The following FBXO27 variants were observed in gnomAD, a reference collection of about 807,000 sequenced individuals.
FBXO27 encodes F-box protein 27, also known as F-box only protein 27.
Under a neutral mutation model 28.3 loss-of-function variants are expected in FBXO27, and 28 were observed. The observed-to-expected ratio is 0.99, with a 90% CI of 0.73 to 1.36. FBXO27 has a LOEUF of 1.36. Ranked by LOEUF, FBXO27 falls within the 40% of genes most tolerant of loss-of-function variation. The probability of loss-of-function intolerance (pLI) is 0.00; values close to 1 mark genes in which losing one functional copy is unlikely to be tolerated. For missense variants in FBXO27, 388 were observed against 394.1 expected, an observed-to-expected ratio of 0.98 and a Z score of 0.13; for synonymous variants, 175 against 167.3, an observed-to-expected ratio of 1.05 and a Z score of -0.36.
chr19:39,023,204 G>A (rs775990183), downstream of FBXO27, among the ~76,000 whole-genome samples: 3 of 152,206 alleles, frequency 2.0e-5, no homozygotes, highest in Non-Finnish European at 2.9e-5. Context: ...CCAGAGTACT[G>A]GGATTACAGG....
chr19:39,019,027 C>A (rs1052455689), downstream of FBXO27, among the ~76,000 whole-genome samples: 1 of 149,194 alleles, frequency 6.7e-6, no homozygotes, highest in African/African-American at 2.5e-5. Context: ...CCAGATCATG[C>A]CACTGCACTC....
chr19:39,019,035 C>A (rs1243897463), downstream of FBXO27, among the ~76,000 whole-genome samples: 1 of 147,666 alleles, frequency 6.8e-6, no homozygotes, highest in African/African-American at 2.5e-5. Flanking sequence ...TGCCACTGCA[C>A]TCTAGCCTGG....
At position 39,012,476 on chromosome 19, in the gene FBXO27, G is replaced by A. The variant is rs143098875; in HGVS notation, c.252+1911C>T. Among the ~76,000 whole-genome samples the A allele has an allele frequency of 1.4e-3, 207 of 152,178 alleles. 1 individual carries two copies. Among genetic ancestry groups the A allele is most frequent in the East Asian group, 3.1e-3 (16 of 5,166 alleles). ...TGGGATTACAGGCGTGAGCCACCAC[G>A]CCCAGCGTCATTTTCAAATTCTCAT... On this transcript the variant is annotated intron_variant, in intron 2 of 2. Transcript: ENST00000598394.
chr19:39,027,750 G>A (rs1280525668), intron 4 of FBXO27, among the ~76,000 whole-genome samples: 1 of 151,944 alleles, frequency 6.6e-6, no homozygotes, highest in Non-Finnish European at 1.5e-5. Flanking sequence ...CTGGACTCAG[G>A]CGATCTTCCT....
At chr19:39,019,457 A>C (rs1231081495), downstream of FBXO27, among the ~76,000 whole-genome samples, 1 of 130,072 alleles carries the variant, frequency 7.7e-6, no homozygotes, top group East Asian at 2.3e-4. Flanking sequence ...AAAAAAAAAA[A>C]AAAAAAAAAA....
chr19:39,032,193 C>G lies in FBXO27; in HGVS notation c.35G>C (p.Arg12Pro), dbSNP rs767374933. 4 of 1,482,946 alleles carry G rather than the reference C, an allele frequency of 2.7e-6. No homozygotes were observed. The highest frequency in any genetic ancestry group is 1.3e-5 in the South Asian group (1 of 75,674). 91.9% of individuals were successfully genotyped at this position (1,482,946 alleles called of 1,614,324 possible). A position where few individuals can be genotyped will look rare whatever the true frequency, so the allele number is the denominator to read the frequency against. Residue 12 changes from arginine (R) to proline (P), a missense_variant, in exon 2 of 6, where the codon CGG becomes CCG. Coordinates refer to ENST00000292853, the MANE Select transcript of FBXO27 (RefSeq NM_178820.5). The surrounding 1 kb of genome is among the most constrained non-coding windows in gnomAD (Gnocchi z 4.7). ...GASVSRGRAA[R>P]VPAPEPEPEE... ...GGGTTCCGGCTCCGGCGCGGGGACC[C>G]GGGCGGCCCGGCCCCTGGAGACCGA...
At chr19:39,008,851 C>T (rs571876292) in intron 2 of FBXO27, among the ~76,000 whole-genome samples, 6 of 152,306 alleles carry the variant, frequency 3.9e-5, no homozygotes, top group Non-Finnish European at 7.3e-5. Flanking sequence ...GACAGAGTCT[C>T]GCTCCATCGC....
At chr19:39,014,204 G>A (rs1166263496) in intron 2 of FBXO27, among the ~76,000 whole-genome samples, 1 of 152,202 alleles carries the variant, frequency 6.6e-6, no homozygotes, top group African/African-American at 2.4e-5. Context: ...GACTGAAACA[G>A]CACAGAGCAG....
chr19:39,030,903 T>G, intron 4 of FBXO27, 126 bp downstream of exon 4: 1 of 806,448 alleles, frequency 1.2e-6, no homozygotes, highest in Non-Finnish European at 2.1e-6. Context: ...CCACCATGGC[T>G]GGCCTGAACT....
intron 2 of FBXO27, among the ~76,000 whole-genome samples, chr19:39,013,719 A>C (rs2072806610): frequency 6.6e-6 from 1 of 152,070 alleles, no homozygotes; most frequent in East Asian, 1.9e-4. Context: ...CTCAAAGAAG[A>C]AGCCCTTTCC....
chr19:39,012,261 C>T (rs753709958), intron 2 of FBXO27, among the ~76,000 whole-genome samples: 3 of 148,852 alleles, frequency 2.0e-5, no homozygotes, highest in Middle Eastern at 3.7e-3. Context: ...CTTTGCTTAC[C>T]GCAACCTCAG....
At chr19:39,006,915 C>T (rs767013501) in intron 2 of FBXO27, among the ~76,000 whole-genome samples, 11 of 151,832 alleles carry the variant, frequency 7.2e-5, no homozygotes, top group Non-Finnish European at 7.4e-5. Context: ...CCCATCTCTA[C>T]AAAAGATGCA....
At chr19:39,008,264 CAAAAA>C (rs567620173) in intron 2 of FBXO27, among the ~76,000 whole-genome samples, 9 of 98,886 alleles carry the variant, frequency 9.1e-5, no homozygotes, top group African/African-American at 3.5e-4. Flanking sequence ...GACTCTGTCT[CAAAAA>C]AAAAAAAAAA....
intron 4 of FBXO27, among the ~76,000 whole-genome samples, chr19:39,030,130 C>G (rs969271104): frequency 6.6e-6 from 1 of 152,170 alleles, no homozygotes; most frequent in Non-Finnish European, 1.5e-5. Context: ...GCATGAGCCA[C>G]CGTGCCCAGA....
chr19:39,031,094 T>G lies in FBXO27; in HGVS notation c.507A>C (p.Leu169=), dbSNP rs752472718. 2 of 1,614,146 alleles carry G rather than the reference T, an allele frequency of 1.2e-6. No homozygotes were observed. ...SWCCKKQVLD[L]EEEGLWPELL... is the part of the protein sequence containing the mutation. The stretch of plus-strand genomic sequence containing the variant: ...GTTCTGGCCACAGACCCTCCTCCTC[T>G]AGGTCCAAGACCTGCTTCTTGCAAC... Residue 169 remains leucine (L), a synonymous_variant, in exon 4 of 6, where the codon CTA becomes CTC. Transcript: ENST00000292853.
chr19:39,006,779 A>C (rs1350791913), intron 2 of FBXO27, among the ~76,000 whole-genome samples: 1 of 151,898 alleles, frequency 6.6e-6, no homozygotes, highest in Non-Finnish European at 1.5e-5. Flanking sequence ...GACAACACAC[A>C]CACGAAATAT....
At chr19:39,030,769 A>ATTT in intron 4 of FBXO27, 1 of 438,130 alleles carries the variant, frequency 2.3e-6, no homozygotes, top group Non-Finnish European at 4.2e-6. Flanking sequence ...GGCCCGGCTA[A>ATTT]TTTTTTTTTT....
chr19:39,015,797 G>A (rs545604355), intron 1 of FBXO27, among the ~76,000 whole-genome samples: 1 of 152,090 alleles, frequency 6.6e-6, no homozygotes, highest in South Asian at 2.1e-4. Context: ...TCGGCCAGGC[G>A]AGGTGGCTCA....
chr19:39,024,481 T>A lies in FBXO27; in HGVS notation c.*930A>T, dbSNP rs2072861217. 1 of 152,244 alleles carries A rather than the reference T, an allele frequency of 6.6e-6. No homozygotes were observed. Among genetic ancestry groups the A allele is most frequent in the South Asian group, 2.1e-4 (1 of 4,830 alleles). 9.4% of individuals were successfully genotyped at this position (152,244 alleles called of 1,614,324 possible). A position where few individuals can be genotyped will look rare whatever the true frequency, so the allele number is the denominator to read the frequency against. ...CTCAACTGATCCTCCCACCTTGGCC[T>A]CCCAAAGTGCAGGGATTACAGGTGT... On this transcript the variant is annotated 3_prime_UTR_variant, in exon 6 of 6. Coordinates refer to ENST00000292853, the MANE Select transcript of FBXO27 (RefSeq NM_178820.5).
Sources: gnomAD v4.1 joint callset for allele counts (sites outside exome capture counted in the v4.1 genomes callset) on GRCh38, gnomAD v4.1.1 for gene constraint, Gnocchi (gnomAD v3.1) non-coding constraint, MANE v1.5 for transcripts, NCBI Gene and HGNC (gene_info 2026-07-23, HGNC 2026-07-21) for gene names.